Variants in NBEAL2 observed in about 807,000 individuals in gnomAD.
The protein encoded by NBEAL2 is neurobeachin like 2.
A neutral mutation model predicts 299.8 loss-of-function variants in NBEAL2; 160 were observed. That is an observed-to-expected ratio of 0.53 (90% CI 0.47 to 0.61). The LOEUF (loss-of-function observed/expected upper bound fraction) is 0.61. Among genes scored for constraint, NBEAL2 ranks in the 20% least tolerant of loss-of-function variants. NBEAL2 has a pLI of 0.00. For synonymous variants in NBEAL2, 1,493 were observed against 1,542.3 expected (o/e 0.97, Z 0.75); for missense variants, 3,112 against 3,649.0 (o/e 0.85, Z 3.79).
In NBEAL2 at chr3:46,992,493, G is replaced by C. The variant is rs1289212378; in HGVS notation, c.1051G>C (p.Ala351Pro). The change falls in exon 10 of 54, where the codon GCG becomes CCG. Residue 351 changes from alanine (A) to proline (P), a missense_variant. Ala to Pro is a conservative substitution (Grantham distance 27). This residue lies in a region of NBEAL2 where 2,243 missense variants were observed against 2,538.1 expected (regional missense o/e 0.88). Transcript: ENST00000450053. The part of the protein sequence containing the change: ...QNSKLYLQSR[A>P]PPEGDSDLAT... Reference sequence around the variant, plus strand: ...CCCACAGCTGTACCTGCAGTCCCGGGCGCCCCCCGAGGGGGACAGTGACCT... The same window carrying C: ...CCCACAGCTGTACCTGCAGTCCCGGCCGCCCCCCGAGGGGGACAGTGACCT... The C allele has an allele frequency of 1.2e-6, 2 of 1,606,374 alleles. No individual in the cohort carries two copies. The highest frequency in any genetic ancestry group is 1.7e-6 in the Non-Finnish European group (2 of 1,176,982).
intron 9 of NBEAL2, 98 bp downstream of exon 9, chr3:46,992,044 CAG>C (rs1352736728): frequency 3.6e-6 from 4 of 1,104,258 alleles, no homozygotes; most frequent in African/African-American, 3.1e-5. Flanking sequence ...ATGGGCTGGA[CAG>C]AGTCAGTGTT....
chr3:46,988,504 G>A lies in NBEAL2; in HGVS notation c.52-165G>A, dbSNP rs73075642. Among the ~76,000 whole-genome samples, 3,710 of 52,472 alleles carry A rather than the reference G, an allele frequency of 0.071. 75 individuals carry two copies. The highest frequency in any genetic ancestry group is 0.13 in the Middle Eastern group (17 of 128). 34.4% of individuals were successfully genotyped at this position (52,472 alleles called of 152,430 possible). On this transcript the variant is annotated intron_variant, in intron 1 of 53. Transcript: ENST00000450053. This position sits in a 1 kb window ranked among gnomAD's most constrained non-coding sequence, Gnocchi z 4.4. Reference sequence around the variant, plus strand: ...TCCAATGTCCTGCCCTCCCTCCCCCGTCCCCCACTCCCCTTCTCCACACCC... The same window carrying A: ...TCCAATGTCCTGCCCTCCCTCCCCCATCCCCCACTCCCCTTCTCCACACCC...
At position 46,998,573 on chromosome 3, in the gene NBEAL2, C is replaced by G. The variant is rs1204587833; in HGVS notation, c.3221+8C>G. On this transcript the variant is annotated splice_region_variant and intron_variant, in intron 22 of 53. Coordinates refer to ENST00000450053, the MANE Select transcript of NBEAL2 (RefSeq NM_015175.3). ...TCTGCGCACCCACTACAGGTGAGGC[C>G]AGTGGGGCCAGATGGGCCATGGGGG... 1.9e-6 allele frequency: 3 copies of G among 1,605,850 alleles called. No individual in the cohort carries two copies. Among genetic ancestry groups the G allele is most frequent in the Non-Finnish European group, 1.7e-6 (2 of 1,176,340 alleles).
In NBEAL2 at chr3:46,996,051, G is replaced by A; in HGVS notation, c.2151G>A (p.Glu717=). 6.2e-7 allele frequency: 1 copy of A among 1,601,684 alleles called. No homozygotes were observed. The highest frequency in any genetic ancestry group is 8.5e-7 in the Non-Finnish European group (1 of 1,174,300). ...CCCTTCGCTGCCCCTCCCTCAGTGA[G>A]GTGTGCCAAGCAAGGTTTGGGGAGG... is the stretch of plus-strand genomic sequence containing the variant. ...TAPLRCPSLS[E]PFSSCCIGSA... The change falls in exon 15 of 54, where the codon GAG becomes GAA. Residue 717 remains glutamate, a splice_region_variant and synonymous_variant. Transcript: ENST00000450053.
At chr3:47,006,947 G>A in intron 45 of NBEAL2, 119 bp from the exon 46 acceptor site, 1 of 804,164 alleles carries the variant, frequency 1.2e-6, no homozygotes, top group Non-Finnish European at 1.9e-6. Flanking sequence ...CTCTGCATCT[G>A]TGACACCTAC....
chr3:47,007,364 C>G lies in NBEAL2; in HGVS notation c.7334+14C>G, dbSNP rs766761448. ...GGGCAGCCACAAGTAGGACAGAGGG[C>G]TGTGGGTGGGGTGGGCTACAAATGC... On this transcript the variant is annotated intron_variant, in intron 47 of 53. Coordinates refer to ENST00000450053, the MANE Select transcript of NBEAL2 (RefSeq NM_015175.3). The G allele has an allele frequency of 2.0e-5, 32 of 1,591,396 alleles. No homozygotes were observed. The highest frequency in any genetic ancestry group is 2.6e-5 in the Non-Finnish European group (30 of 1,168,446).
rs1261470901 is a variant in NBEAL2, at chr3:46,988,885, G to A, written c.184G>A (p.Glu62Lys). The A allele has an allele frequency of 6.2e-7, 1 of 1,612,312 alleles. No homozygotes were observed. Among genetic ancestry groups the A allele is most frequent in the Non-Finnish European group, 8.5e-7 (1 of 1,178,788 alleles). ...AGAGGTCCCGCTGCTACCACTGGAT[G>A]AGCTGCATGTGCTGGCCGAACAGCT... ...GAEVPLLPLD[E>K]LHVLAEQLHQ... The change falls in exon 3 of 54, where the codon GAG (glutamate) becomes AAG (lysine). Residue 62 changes from glutamate to lysine, a missense_variant. Physicochemically the swap from Glu to Lys is moderately conservative, Grantham distance 56. This residue lies in a region of NBEAL2 where 2,243 missense variants were observed against 2,538.1 expected (regional missense o/e 0.88). Coordinates refer to ENST00000450053, the MANE Select transcript of NBEAL2 (RefSeq NM_015175.3). This position sits in a 1 kb window ranked among gnomAD's most constrained non-coding sequence, Gnocchi z 4.4.
At chr3:46,987,826 C>A (rs2035774810) in intron 1 of NBEAL2, among the ~76,000 whole-genome samples, 1 of 152,204 alleles carries the variant, frequency 6.6e-6, no homozygotes, top group African/African-American at 2.4e-5. Flanking sequence ...ACAGGTCCCA[C>A]CCTCTGTGCA....
At chr3:47,008,696 C>G (rs763433026) in intron 52 of NBEAL2, 28 bp downstream of exon 52, 1 of 1,611,854 alleles carries the variant, frequency 6.2e-7, no homozygotes, top group Non-Finnish European at 8.5e-7. Flanking sequence ...GGGTTCATGG[C>G]CCCTGAAGGT....
At chr3:46,981,165 C>A (rs770454299) in intron 1 of NBEAL2, among the ~76,000 whole-genome samples, 4 of 152,212 alleles carry the variant, frequency 2.6e-5, no homozygotes, top group Non-Finnish European at 5.9e-5. Flanking sequence ...ACAGCCCTGG[C>A]CGGGCACGGT....
At position 47,001,474 on chromosome 3, in the gene NBEAL2, A is replaced by G. The variant is rs546440156; in HGVS notation, c.4644+36A>G. Reference sequence around the variant, plus strand: ...TCAGAGAGGCGTGAGCCACATGAACACTCATGTTCATGCAAGCCTGCAGGG... The same window carrying G: ...TCAGAGAGGCGTGAGCCACATGAACGCTCATGTTCATGCAAGCCTGCAGGG... On this transcript the variant is annotated intron_variant, in intron 29 of 53. Coordinates refer to ENST00000450053, the MANE Select transcript of NBEAL2 (RefSeq NM_015175.3). The surrounding 1 kb of genome is among the most constrained non-coding windows in gnomAD (Gnocchi z 6.1). 6.6e-5 allele frequency: 105 copies of G among 1,597,632 alleles called. 1 individual carries two copies. In the South Asian group the frequency reaches 1.1e-3, roughly 17 times the overall value.
Position 46,998,125 on chromosome 3 carries a change from A to G in NBEAL2, c.3017A>G (p.Gln1006Arg). ...VLMSAQLLMEQVAAEGSGPLL... is the reference protein window; with the variant it reads ...VLMSAQLLMERVAAEGSGPLL... Reference sequence around the variant, plus strand: ...ATGTCCGCCCAGCTGCTGATGGAGCAGGTGGCAGCTGAGGGCAGCGGGCCC... The same window carrying G: ...ATGTCCGCCCAGCTGCTGATGGAGCGGGTGGCAGCTGAGGGCAGCGGGCCC... Residue 1006 changes from glutamine (Q) to arginine (R), a missense_variant, in exon 21 of 54, where the codon CAG becomes CGG. Around this residue, in one of 3 missense-constraint regions of NBEAL2, gnomAD observed 2,243 missense variants for 2,538.1 expected, o/e 0.88. Transcript: ENST00000450053. 4 of 1,590,634 alleles carry G rather than the reference A, an allele frequency of 2.5e-6. No individual in the cohort carries two copies. The highest frequency in any genetic ancestry group is 3.4e-6 in the Non-Finnish European group (4 of 1,168,508).
chr3:46,996,429 C>G lies in NBEAL2; in HGVS notation c.2310C>G (p.Ser770=), dbSNP rs867290897. ...CCTCCACAGGGCTTGGCTGGGGGTCCGGGCTGGTGGCCCCCCTGCAGGAGG... is the reference window on the plus strand; with the variant it reads ...CCTCCACAGGGCTTGGCTGGGGGTCGGGGCTGGTGGCCCCCCTGCAGGAGG... ...VPASTGLGWG[S]GLVAPLQEGS... Residue 770 remains serine, a synonymous_variant, in exon 16 of 54, where the codon TCC becomes TCG. Coordinates refer to ENST00000450053, the MANE Select transcript of NBEAL2 (RefSeq NM_015175.3). 1 of 1,609,430 alleles carries G rather than the reference C, an allele frequency of 6.2e-7. No homozygotes were observed. Among genetic ancestry groups the G allele is most frequent in the African/African-American group, 1.3e-5 (1 of 74,858 alleles).
At position 46,981,396 on chromosome 3, in the gene NBEAL2, C is replaced by T. The variant is rs929988322; in HGVS notation, c.51+1484C>T. ...GGCAGAGGTTGCAGTGAGCCGAGAT[C>T]GCGCCACTGCACTCCAGCCTGGTGA... is the stretch of plus-strand genomic sequence containing the variant. On this transcript the variant is annotated intron_variant, in intron 1 of 53. Coordinates refer to ENST00000450053, the MANE Select transcript of NBEAL2 (RefSeq NM_015175.3). Among the ~76,000 whole-genome samples, 8 of 152,014 alleles carry T rather than the reference C, an allele frequency of 5.3e-5. 1 individual carries two copies. In the East Asian group the frequency reaches 5.8e-4, roughly 11 times the overall value.
At chr3:46,984,150 A>AAAAATAC (rs1553655129) in intron 1 of NBEAL2, among the ~76,000 whole-genome samples, 29 of 146,908 alleles carry the variant, frequency 2.0e-4, no homozygotes, top group African/African-American at 5.3e-4. Context: ...AAAAAAAAAA[A>AAAAATAC]AAAAAATTAG....
At position 47,004,548 on chromosome 3, in the gene NBEAL2, C is replaced by T. The variant is rs772314770; in HGVS notation, c.6252C>T (p.Thr2084=). 19 of 1,613,696 alleles carry T rather than the reference C, an allele frequency of 1.2e-5. No individual in the cohort carries two copies. Among genetic ancestry groups the T allele is most frequent in the Non-Finnish European group, 1.6e-5 (19 of 1,179,848 alleles). ...SNFEYLMQLN[T]IAGRTYNDLS... ...TCGAGTACTTGATGCAACTCAACAC[C>T]ATTGCGGGGCGGACCTACAATGACC... Residue 2084 remains threonine (T), a synonymous_variant, in exon 38 of 54, where the codon ACC becomes ACT. Coordinates refer to ENST00000450053, the MANE Select transcript of NBEAL2 (RefSeq NM_015175.3). This position sits in a 1 kb window ranked among gnomAD's most constrained non-coding sequence, Gnocchi z 5.0.
chr3:47,007,596 C>T lies in NBEAL2; in HGVS notation c.7406C>T (p.Pro2469Leu), dbSNP rs768875312. 59 of 1,611,876 alleles carry T rather than the reference C, an allele frequency of 3.7e-5. No individual in the cohort carries two copies. The highest frequency in any genetic ancestry group is 1.6e-4 in the Middle Eastern group (1 of 6,080). Residue 2469 changes from proline (P) to leucine (L), a missense_variant, in exon 48 of 54, where the codon CCG (proline) becomes CTG (leucine). This residue lies in a region of NBEAL2 where 348 missense variants were observed against 381.4 expected (regional missense o/e 0.91). Coordinates refer to ENST00000450053, the MANE Select transcript of NBEAL2 (RefSeq NM_015175.3). Reference sequence around the variant, plus strand: ...AGTGGACAAGCACTGGCAGTGGCCCCGGATGGAAAGCTGCTATTCAGCGGT... The same window carrying T: ...AGTGGACAAGCACTGGCAGTGGCCCTGGATGGAAAGCTGCTATTCAGCGGT... ...GVSGQALAVA[P>L]DGKLLFSGGH...
chr3:46,987,288 G>GCA (rs2035734368), intron 1 of NBEAL2, among the ~76,000 whole-genome samples: 3 of 152,266 alleles, frequency 2.0e-5, no homozygotes, highest in Admixed American at 2.0e-4. Context: ...CCCCTGGGGA[G>GCA]CAGCCTGAGG....
intron 1 of NBEAL2, among the ~76,000 whole-genome samples, chr3:46,983,979 T>G (rs891862785): frequency 3.9e-5 from 6 of 151,922 alleles, no homozygotes; most frequent in Non-Finnish European, 7.4e-5. Context: ...GTACTTTCAT[T>G]TCAATAAATC....
Sources: gnomAD v4.1 joint callset for allele counts (sites outside exome capture counted in the v4.1 genomes callset) on GRCh38, gnomAD v4.1.1 for gene constraint, gnomAD v4.1.1 regional missense constraint, Gnocchi (gnomAD v3.1) non-coding constraint, MANE v1.5 for transcripts, NCBI Gene and HGNC (gene_info 2026-07-23, HGNC 2026-07-21) for gene names.